TRIM23: variants seen among roughly 807,000 people sequenced by gnomAD.
TRIM23 encodes the protein tripartite motif containing 23.
A neutral mutation model predicts 71.0 loss-of-function variants in TRIM23; 27 were observed. The ratio of observed to expected loss-of-function variants is 0.38; its 90% CI spans 0.28 to 0.52. The LOEUF (loss-of-function observed/expected upper bound fraction) is 0.52. Among genes scored for constraint, TRIM23 ranks in the 20% least tolerant of loss-of-function variants. The pLI is 0.84. For synonymous variants in TRIM23, 234 were observed against 238.0 expected, an observed-to-expected ratio of 0.98 and a Z score of 0.16; for missense variants, 482 against 692.3, an observed-to-expected ratio of 0.70 and a Z score of 3.41.
At chr5:65,621,837 T>TA (rs1754957097) in intron 1 of TRIM23, among the ~76,000 whole-genome samples, 6 of 151,192 alleles carry the variant, frequency 4.0e-5, no homozygotes, top group South Asian at 4.2e-4. Context: ...TTATTATTAT[T>TA]TTTTTTTTGA....
chr5:65,623,510 T>C (rs78047777), intron 1 of TRIM23, among the ~76,000 whole-genome samples: 3 of 152,336 alleles, frequency 2.0e-5, no homozygotes, highest in African/African-American at 4.8e-5. Context: ...TTTTAGCAAA[T>C]TGATTCTGGA....
intron 7 of TRIM23, among the ~76,000 whole-genome samples, chr5:65,602,744 T>G (rs1329284679): frequency 6.6e-6 from 1 of 152,266 alleles, no homozygotes; most frequent in African/African-American, 2.4e-5. Context: ...TACATGGTGG[T>G]GGCAAGAGAA....
intron 8 of TRIM23, 86 bp from the exon 9 acceptor site, chr5:65,596,617 C>A (rs1462763291): frequency 8.9e-6 from 7 of 790,732 alleles, no homozygotes; most frequent in Non-Finnish European, 1.4e-5. Context: ...CAGTTTATAA[C>A]TGTGACTTAT....
chr5:65,604,841 A>T (rs1754455463), intron 7 of TRIM23, 70 bp downstream of exon 7: 6 of 1,442,982 alleles, frequency 4.2e-6, no homozygotes, highest in Non-Finnish European at 4.6e-6. Flanking sequence ...CTTTAAGGTG[A>T]TTATCATGAA....
At chr5:65,605,810 T>TA (rs1232023837) in intron 6 of TRIM23, among the ~76,000 whole-genome samples, 2 of 152,314 alleles carry the variant, frequency 1.3e-5, no homozygotes, top group East Asian at 3.9e-4. Flanking sequence ...TGCTCACTGT[T>TA]AGATACTCAT....
chr5:65,602,527 T>C (rs1036178183), intron 7 of TRIM23, among the ~76,000 whole-genome samples: 2 of 152,294 alleles, frequency 1.3e-5, no homozygotes, highest in Non-Finnish European at 2.9e-5. Flanking sequence ...CTCTACCTGT[T>C]ACCCAGTTCC....
intron 8 of TRIM23, 129 bp downstream of exon 8, chr5:65,596,922 T>C: frequency 8.6e-7 from 1 of 1,166,706 alleles, no homozygotes; most frequent in Admixed American, 2.4e-5. Context: ...ATTTTTTCTC[T>C]GAGATGCTGA....
chr5:65,597,288 C>T, intron 7 of TRIM23, 108 bp from the exon 8 acceptor site: 2 of 1,156,582 alleles, frequency 1.7e-6, no homozygotes, highest in South Asian at 3.0e-5. Flanking sequence ...CCATTGCAAT[C>T]TGAATTGTAT....
intron 2 of TRIM23, among the ~76,000 whole-genome samples, chr5:65,615,357 C>T (rs1449401269): frequency 6.6e-6 from 1 of 152,174 alleles, no homozygotes; most frequent in Non-Finnish European, 1.5e-5. Context: ...CTTCCTGAAC[C>T]TATGAATAAA....
intron 7 of TRIM23, among the ~76,000 whole-genome samples, chr5:65,598,709 T>C (rs933447333): frequency 1.2e-4 from 18 of 150,852 alleles, no homozygotes; most frequent in Non-Finnish European, 1.8e-4. Context: ...GATCGCGCCA[T>C]TGCACTCCAG....
chr5:65,611,804 A>C lies in TRIM23; in HGVS notation c.444T>G (p.Ser148=). The part of the protein sequence containing the change: ...YCTVCATHLC[S]ECSQVTHSTK... ...TAGAATGAGTAACTTGAGAACACTC[A>C]GAGCACAAATGAGTTGCACACACAG... The change falls in exon 4 of 11, where the codon TCT becomes TCG. Residue 148 remains serine (S), a synonymous_variant. Transcript: ENST00000231524. 2 of 1,614,228 alleles carry C rather than the reference A, an allele frequency of 1.2e-6. No individual in the cohort carries two copies. The highest frequency in any genetic ancestry group is 8.5e-7 in the Non-Finnish European group (1 of 1,180,036).
At chr5:65,622,137 T>A (rs2150645866) in intron 1 of TRIM23, among the ~76,000 whole-genome samples, 1 of 152,202 alleles carries the variant, frequency 6.6e-6, no homozygotes, top group South Asian at 2.1e-4. Context: ...GATACATTTT[T>A]AAATGTCAGT....
intron 2 of TRIM23, among the ~76,000 whole-genome samples, chr5:65,617,018 G>A (rs1754794425): frequency 6.6e-6 from 1 of 152,088 alleles, no homozygotes; most frequent in African/African-American, 2.4e-5. Context: ...ACCTCACCTG[G>A]CCTAAGTATA....
At chr5:65,620,367 C>T (rs139880373) in intron 1 of TRIM23, among the ~76,000 whole-genome samples, 2 of 152,116 alleles carry the variant, frequency 1.3e-5, no homozygotes, top group African/African-American at 4.8e-5. Flanking sequence ...CTCCTTAAAG[C>T]ATCATTTGCA....
At chr5:65,595,230 T>A (rs1405846045) in intron 9 of TRIM23, among the ~76,000 whole-genome samples, 4 of 151,816 alleles carry the variant, frequency 2.6e-5, no homozygotes. Context: ...GGCAATATAG[T>A]GAGACCTTAT....
chr5:65,619,953 G>C (rs1031621715), intron 1 of TRIM23, among the ~76,000 whole-genome samples: 8 of 152,092 alleles, frequency 5.3e-5, no homozygotes, highest in African/African-American at 1.9e-4. Context: ...GCATAGTGGT[G>C]GGCGCCTGTA....
intron 9 of TRIM23, among the ~76,000 whole-genome samples, chr5:65,595,257 T>G (rs1028690908): frequency 6.6e-6 from 1 of 151,050 alleles, no homozygotes. Context: ...TAAAAAAAAA[T>G]TAAAAATTAG....
At chr5:65,610,224 T>C (rs1043987596) in intron 5 of TRIM23, among the ~76,000 whole-genome samples, 2 of 152,210 alleles carry the variant, frequency 1.3e-5, no homozygotes, top group Non-Finnish European at 2.9e-5. Context: ...GCTTCCAATT[T>C]TGTTGCTCCT....
At position 65,590,572 on chromosome 5, in the gene TRIM23, CTATT is replaced by C; in HGVS notation, c.*1193_*1196del. On this transcript the variant is annotated 3_prime_UTR_variant, in exon 11 of 11. Transcript: ENST00000231524. ...TAAAAAAAAAAAAGTCTCAATGTAC[CTATT>C]TAAATAAATCGTGCTTCCATAATAA... 1 of 1,048,126 alleles carries C rather than the reference CTATT, an allele frequency of 9.5e-7. No homozygotes were observed. The highest frequency in any genetic ancestry group is 1.2e-6 in the Non-Finnish European group (1 of 860,514). The allele number at this position is 1,048,126 out of a possible 1,614,324, so 64.9% of individuals were successfully genotyped here. A position where few individuals can be genotyped will look rare whatever the true frequency, so the allele number is the denominator to read the frequency against.
Sources: allele counts gnomAD v4.1 joint callset (sites outside exome capture counted in the v4.1 genomes callset), GRCh38; gene constraint gnomAD v4.1.1; transcripts MANE v1.5; gene names NCBI Gene and HGNC (gene_info 2026-07-23, HGNC 2026-07-21).